Variants in CAMTA1 observed in about 807,000 individuals in gnomAD.
CAMTA1 encodes the protein calmodulin binding transcription activator 1.
A neutral mutation model predicts 170.9 loss-of-function variants in CAMTA1; 27 were observed. The ratio of observed to expected loss-of-function variants is 0.16; its 90% CI spans 0.12 to 0.22. The LOEUF (loss-of-function observed/expected upper bound fraction) is 0.22. Among genes scored for constraint, CAMTA1 ranks in the 10% least tolerant of loss-of-function variants. The pLI is 1.00. For missense variants in CAMTA1, 1,619 were observed against 2,217.2 expected (o/e 0.73, Z 5.42); for synonymous variants, 833 against 891.5 (o/e 0.93, Z 1.17).
At chr1:6,794,474 A>G (rs1641951602) in intron 1 of CAMTA1, among the ~76,000 whole-genome samples, 1 of 152,164 alleles carries the variant, frequency 6.6e-6, no homozygotes, top group African/African-American at 2.4e-5. Context: ...TAAAATGTTT[A>G]TTGGCAAAAT....
intron 5 of CAMTA1, among the ~76,000 whole-genome samples, chr1:7,264,226 T>C (rs11581774): frequency 0.34 from 51,486 of 152,154 alleles, 9,125 homozygotes; most frequent in South Asian, 0.54. Flanking sequence ...GGGCCTGAGA[T>C]GCTGCATTGA....
chr1:6,845,766 C>T (rs1657851868), intron 3 of CAMTA1, among the ~76,000 whole-genome samples: 1 of 152,214 alleles, frequency 6.6e-6, no homozygotes, highest in African/African-American at 2.4e-5. Context: ...TTGTTAATGA[C>T]AGACCTCAAG....
intron 3 of CAMTA1, among the ~76,000 whole-genome samples, chr1:6,846,693 T>C (rs913269706): frequency 7.9e-5 from 12 of 152,194 alleles, no homozygotes; most frequent in Non-Finnish European, 1.3e-4. Context: ...TAAACCATAT[T>C]GACAGAATTC....
chr1:7,253,112 T>C lies in CAMTA1; in HGVS notation c.438+3486T>C, dbSNP rs568497254. Among the ~76,000 whole-genome samples the C allele has an allele frequency of 2.0e-5, 3 of 152,314 alleles. No homozygotes were observed. The East Asian group carries it at 5.8e-4, about 29-fold the overall frequency. On this transcript the variant is annotated intron_variant, in intron 5 of 22. Coordinates refer to ENST00000303635, the MANE Select transcript of CAMTA1 (RefSeq NM_015215.4). ...GGAAGGAAAAAGAGGGTGGTTGCGA[T>C]GTCACTGTTTCAGGAGATGAAATCT...
At position 6,929,403 on chromosome 1, in the gene CAMTA1, G is replaced by A. The variant is rs567870171; in HGVS notation, c.234+104193G>A. Among the ~76,000 whole-genome samples, 7 of 150,594 alleles carry A rather than the reference G, an allele frequency of 4.6e-5. No homozygotes were observed. In the South Asian group the frequency reaches 1.0e-3, roughly 22 times the overall value. On this transcript the variant is annotated intron_variant, in intron 3 of 22. Transcript: ENST00000303635. Reference sequence around the variant, plus strand: ...TTTTGAGATGGAGTGTTGCTGTGTCGCCCAGCTGGAGTGCAGTGGCGTGAT... The same window carrying A: ...TTTTGAGATGGAGTGTTGCTGTGTCACCCAGCTGGAGTGCAGTGGCGTGAT...
intron 3 of CAMTA1, among the ~76,000 whole-genome samples, chr1:7,038,467 A>G (rs1284246506): frequency 1.3e-5 from 2 of 152,242 alleles, no homozygotes; most frequent in Non-Finnish European, 2.9e-5. Context: ...TCAAAAATAT[A>G]ACAAAATTGA....
Position 7,302,768 on chromosome 1 carries a change from C to T in CAMTA1, c.438+53142C>T, listed in dbSNP as rs576002993. The stretch of plus-strand genomic sequence containing the variant: ...GAGCCTCTCTCAGGTATTGGGCTTC[C>T]CCGCTTGATGCCTTTTCTTTTGTTG... On this transcript the variant is annotated intron_variant, in intron 5 of 22. Transcript: ENST00000303635. 2.0e-5 allele frequency among the ~76,000 whole-genome samples: 3 copies of T among 152,312 alleles called. No homozygotes were observed. The East Asian group carries it at 5.8e-4, about 29-fold the overall frequency.
Position 7,633,823 on chromosome 1 carries a change from G to T in CAMTA1, c.511-6577G>T, listed in dbSNP as rs1202489302. On this transcript the variant is annotated intron_variant, in intron 6 of 22. Coordinates refer to ENST00000303635, the MANE Select transcript of CAMTA1 (RefSeq NM_015215.4). The surrounding 1 kb of genome is among the most constrained non-coding windows in gnomAD (Gnocchi z 4.1). ...ATTGAGCGGAAACTGAGAGATTAGT[G>T]CTGCAAAGACAGCGAGGCGGGAACC... Among the ~76,000 whole-genome samples, 2 of 152,242 alleles carry T rather than the reference G, an allele frequency of 1.3e-5. No homozygotes were observed. Among genetic ancestry groups the T allele is most frequent in the African/African-American group, 4.8e-5 (2 of 41,464 alleles).
At chr1:7,336,745 C>T (rs895896833) in intron 5 of CAMTA1, among the ~76,000 whole-genome samples, 1 of 152,152 alleles carries the variant, frequency 6.6e-6, no homozygotes, top group Non-Finnish European at 1.5e-5. Flanking sequence ...CTCTGTTTCA[C>T]GTCCCGAGGT....
chr1:7,430,828 C>T (rs910115211), intron 5 of CAMTA1, among the ~76,000 whole-genome samples: 6 of 152,210 alleles, frequency 3.9e-5, no homozygotes, highest in African/African-American at 9.7e-5. Context: ...TTCCAAGGCT[C>T]GCCATCTGTT....
rs544519340 is a variant in CAMTA1 at position 7,352,969 on chromosome 1, G to A, written c.438+103343G>A. ...AATGCAGTTAGGATGAGATGTCCAC[G>A]AAGTCCACAGAGCATCTGTAGGTCC... On this transcript the variant is annotated intron_variant, in intron 5 of 22. Coordinates refer to ENST00000303635, the MANE Select transcript of CAMTA1 (RefSeq NM_015215.4). 5.3e-5 allele frequency among the ~76,000 whole-genome samples: 8 copies of A among 152,286 alleles called. No homozygotes were observed. In the East Asian group the frequency reaches 9.7e-4, roughly 18 times the overall value.
intron 4 of CAMTA1, among the ~76,000 whole-genome samples, chr1:7,098,998 C>T (rs148303062): frequency 8.9e-4 from 136 of 152,304 alleles, no homozygotes; most frequent in Non-Finnish European, 1.6e-3. Context: ...TCTGATTCCT[C>T]CCTGGGTTAG....
intron 7 of CAMTA1, among the ~76,000 whole-genome samples, chr1:7,650,728 T>C (rs1359155981): frequency 6.6e-6 from 1 of 152,152 alleles, no homozygotes; most frequent in Non-Finnish European, 1.5e-5. Context: ...CGAAATGAGA[T>C]TTCTGAAAAT....
At chr1:7,185,117 A>T (rs935765327) in intron 4 of CAMTA1, among the ~76,000 whole-genome samples, 1 of 152,204 alleles carries the variant, frequency 6.6e-6, no homozygotes, top group African/African-American at 2.4e-5. Context: ...AGAAGGCTAG[A>T]ATTAGTCCTG....
At chr1:7,621,449 A>G (rs2095597698) in intron 6 of CAMTA1, among the ~76,000 whole-genome samples, 1 of 152,198 alleles carries the variant, frequency 6.6e-6, no homozygotes, top group African/African-American at 2.4e-5. Context: ...CGCCAACTGG[A>G]GACAGTGACG....
intron 6 of CAMTA1, among the ~76,000 whole-genome samples, chr1:7,554,930 T>G (rs1340642938): frequency 6.6e-6 from 1 of 152,086 alleles, no homozygotes; most frequent in Non-Finnish European, 1.5e-5. Context: ...TCTGACTTTT[T>G]TTTTCAAGCA....
At chr1:7,106,002 A>G (rs1455408696) in intron 4 of CAMTA1, among the ~76,000 whole-genome samples, 2 of 152,028 alleles carry the variant, frequency 1.3e-5, no homozygotes, top group Non-Finnish European at 2.9e-5. Flanking sequence ...CTATCCACTA[A>G]TGCTCTTAGT....
chr1:6,926,476 CTTTCTT>C (rs1683228488), intron 3 of CAMTA1, among the ~76,000 whole-genome samples: 1 of 137,156 alleles, frequency 7.3e-6, no homozygotes, highest in African/African-American at 2.8e-5. Context: ...TTCTTTCTTT[CTTTCTT>C]TCTTTCTCTC....
intron 4 of CAMTA1, among the ~76,000 whole-genome samples, chr1:7,096,991 C>A (rs1049458418): frequency 6.6e-6 from 1 of 152,182 alleles, no homozygotes; most frequent in African/African-American, 2.4e-5. Context: ...GCTGGCTGCT[C>A]TCTGAATATC....
Sources: allele counts gnomAD v4.1 joint callset (sites outside exome capture counted in the v4.1 genomes callset), GRCh38; gene constraint gnomAD v4.1.1; non-coding constraint Gnocchi (gnomAD v3.1); transcripts MANE v1.5; gene names NCBI Gene and HGNC (gene_info 2026-07-23, HGNC 2026-07-21).